OR2H1: variants seen among roughly 807,000 people sequenced by gnomAD.
The protein encoded by OR2H1 is olfactory receptor 2H1.
For synonymous variants in OR2H1, 155 were observed against 155.2 expected (o/e 1.00, Z 0.01); for missense variants, 380 against 367.3 (o/e 1.03, Z -0.28).
Position 29,462,736 on chromosome 6 carries a change from A to C in OR2H1, c.*16A>C, listed in dbSNP as rs184278792. On this transcript the variant is annotated 3_prime_UTR_variant, in exon 4 of 4. Transcript: ENST00000377133. ...AGCTGCTTAATATACTTTCGAAAGT[A>C]AGAAGAGTTTCTTCAAGATTTATGA... is the stretch of plus-strand genomic sequence containing the variant. The C allele has an allele frequency of 6.3e-6, 10 of 1,577,142 alleles. No homozygotes were observed. Among genetic ancestry groups the C allele is most frequent in the Non-Finnish European group, 8.7e-6 (10 of 1,154,440 alleles).
chr6:29,461,146 C>T (rs1056727696), intron 3 of OR2H1: 3 of 151,840 alleles, frequency 2.0e-5, no homozygotes, highest in Non-Finnish European at 2.9e-5. Context: ...AACAAAATAC[C>T]TCATTGATTT....
Position 29,462,156 on chromosome 6 carries a change from C to T in OR2H1, c.387C>T (p.His129=). ...ACGTGGCTGTCTGCCAGCCCCTCCA[C>T]TATGCCACCATCATCCACCCCCGCC... ...DRYVAVCQPL[H]YATIIHPRLC... is the part of the protein sequence containing the mutation. The change falls in exon 4 of 4, where the codon CAC becomes CAT. Residue 129 remains histidine (H), a synonymous_variant. Transcript: ENST00000377133. 1 of 1,613,714 alleles carries T rather than the reference C, an allele frequency of 6.2e-7. No homozygotes were observed. Among genetic ancestry groups the T allele is most frequent in the Non-Finnish European group, 8.5e-7 (1 of 1,180,024 alleles).
Position 29,463,721 on chromosome 6 carries a change from A to G in OR2H1, c.*1001A>G, listed in dbSNP as rs1328281542. ...AAGCTACACATAAATTGGGTGGTTT[A>G]TAAATAACAAACATTTCTTTCTTAC... On this transcript the variant is annotated 3_prime_UTR_variant, in exon 4 of 4. Transcript: ENST00000377133. 2 of 167,068 alleles carry G rather than the reference A, an allele frequency of 1.2e-5. No homozygotes were observed. The highest frequency in any genetic ancestry group is 4.8e-5 in the African/African-American group (2 of 41,454). The allele number at this position is 167,068 out of a possible 1,614,324, so 10.3% of individuals were successfully genotyped here.
At chr6:29,459,441 A>T (rs941883823) in intron 2 of OR2H1, among the ~76,000 whole-genome samples, 2 of 152,188 alleles carry the variant, frequency 1.3e-5, no homozygotes, top group Admixed American at 6.5e-5. Flanking sequence ...TATGATTTTT[A>T]AAAAATTAAG....
intron 2 of OR2H1, chr6:29,460,171 G>A (rs1787058790): frequency 6.6e-6 from 1 of 152,036 alleles, no homozygotes; most frequent in Admixed American, 6.6e-5. Flanking sequence ...AAAACTATAA[G>A]TATGGTCTAC....
At position 29,461,965 on chromosome 6, in the gene OR2H1, T is replaced by G; in HGVS notation, c.196T>G (p.Phe66Val). 1 of 1,613,160 alleles carries G rather than the reference T, an allele frequency of 6.2e-7. No individual in the cohort carries two copies. The highest frequency in any genetic ancestry group is 8.5e-7 in the Non-Finnish European group (1 of 1,180,022). Residue 66 changes from phenylalanine to valine, a missense_variant, in exon 4 of 4, where the codon TTC (phenylalanine) becomes GTC (valine). Transcript: ENST00000377133. Reference protein sequence around the residue: ...PMYFFLSDLSFLDLCFTTSCV... With the variant: ...PMYFFLSDLSVLDLCFTTSCV... ...GTACTTTTTCCTCTCTGACCTCTCC[T>G]TCTTGGACCTCTGCTTTACCACAAG...
intron 2 of OR2H1, among the ~76,000 whole-genome samples, chr6:29,459,418 T>C (rs1315532737): frequency 6.6e-6 from 1 of 152,238 alleles, no homozygotes; most frequent in Non-Finnish European, 1.5e-5. Context: ...GTGTTTTATA[T>C]ACTTTTTGTT....
In OR2H1 at chr6:29,462,422, C is replaced by G. The variant is rs773383134; in HGVS notation, c.653C>G (p.Ala218Gly). 2 of 1,612,996 alleles carry G rather than the reference C, an allele frequency of 1.2e-6. No homozygotes were observed. Among genetic ancestry groups the G allele is most frequent in the Non-Finnish European group, 1.7e-6 (2 of 1,180,044 alleles). The change falls in exon 4 of 4, where the codon GCC (alanine) becomes GGC (glycine). Residue 218 changes from alanine (A) to glycine (G), a missense_variant. Transcript: ENST00000377133. ...AGCCTCATCCTTGCCTCTTATGGAG[C>G]CACTGCCCAGGCAGTGCTGAGGATT... ...PLSLILASYGATAQAVLRINS... is the reference protein window; with the variant it reads ...PLSLILASYGGTAQAVLRINS...
At chr6:29,461,223 T>C (rs1787208783) in intron 3 of OR2H1, 1 of 153,428 alleles carries the variant, frequency 6.5e-6, no homozygotes, top group Non-Finnish European at 1.4e-5. Context: ...CTGCCTCTGA[T>C]TGACACCTCT....
Position 29,458,917 on chromosome 6 carries a change from G to A in OR2H1, c.-327+348G>A, listed in dbSNP as rs140595211. 2.0e-5 allele frequency among the ~76,000 whole-genome samples: 3 copies of A among 152,224 alleles called. No individual in the cohort carries two copies. The East Asian group carries it at 5.8e-4, about 29-fold the overall frequency. On this transcript the variant is annotated intron_variant, in intron 2 of 3. Coordinates refer to ENST00000377133, the MANE Select transcript of OR2H1 (RefSeq NM_030883.5). ...GTTAGTACATGACTGGCTCTTTGAG[G>A]ACCAAAAAAGAATAAATTAATGTGC...
In OR2H1 at chr6:29,461,902, C is replaced by A. The variant is rs748732543; in HGVS notation, c.133C>A (p.Leu45Met). Residue 45 changes from leucine (L) to methionine (M), a missense_variant, in exon 4 of 4, where the codon CTG becomes ATG. Coordinates refer to ENST00000377133, the MANE Select transcript of OR2H1 (RefSeq NM_030883.5). ...CCTGGTGGGCAACACACTCATCATC[C>A]TGCTGTCTGTACTGTACCCCAGGCT... ...LTLVGNTLII[L>M]LSVLYPRLHS... The A allele has an allele frequency of 1.2e-6, 2 of 1,612,928 alleles. No individual in the cohort carries two copies. Among genetic ancestry groups the A allele is most frequent in the African/African-American group, 1.3e-5 (1 of 74,884 alleles).
chr6:29,459,895 C>G (rs1180329301), intron 2 of OR2H1: 1 of 152,270 alleles, frequency 6.6e-6, no homozygotes, highest in Non-Finnish European at 1.5e-5. Context: ...CACACCTCAT[C>G]TTAATTTATT....
In OR2H1 at chr6:29,457,726, G is replaced by C. The variant is rs147577379; in HGVS notation, c.-443+519G>C. On this transcript the variant is annotated intron_variant, in intron 1 of 3. Coordinates refer to ENST00000377133, the MANE Select transcript of OR2H1 (RefSeq NM_030883.5). ...GAGAAAGGAAATAAACCAAAGTCAG[G>C]GGGGATTGAATGAGCACATTCGAGG... Among the ~76,000 whole-genome samples, 661 of 152,212 alleles carry C rather than the reference G, an allele frequency of 4.3e-3. 18 individuals carry two copies. In the South Asian group the frequency reaches 0.061, roughly 14 times the overall value.
chr6:29,459,506 G>A (rs1444215348), intron 2 of OR2H1, among the ~76,000 whole-genome samples: 1 of 152,138 alleles, frequency 6.6e-6, no homozygotes, highest in Non-Finnish European at 1.5e-5. Context: ...GAATATAGAA[G>A]GAGACAAAAA....
In OR2H1 at chr6:29,461,945, T is replaced by C; in HGVS notation, c.176T>C (p.Phe59Ser). The change falls in exon 4 of 4, where the codon TTT (phenylalanine) becomes TCT (serine). Residue 59 changes from phenylalanine to serine, a missense_variant. By Grantham distance (155) the Phe-to-Ser change is radical. Transcript: ENST00000377133. ...CCCAGGCTCCACTCTCCAATGTACTTTTTCCTCTCTGACCTCTCCTTCTTG... is the reference window on the plus strand; with the variant it reads ...CCCAGGCTCCACTCTCCAATGTACTCTTTCCTCTCTGACCTCTCCTTCTTG... ...LYPRLHSPMYFFLSDLSFLDL... is the reference protein window; with the variant it reads ...LYPRLHSPMYSFLSDLSFLDL... 1 of 1,612,982 alleles carries C rather than the reference T, an allele frequency of 6.2e-7. No individual in the cohort carries two copies. Among genetic ancestry groups the C allele is most frequent in the Non-Finnish European group, 8.5e-7 (1 of 1,179,988 alleles).
chr6:29,461,063 G>A (rs1787190437), intron 3 of OR2H1: 1 of 152,126 alleles, frequency 6.6e-6, no homozygotes, highest in African/African-American at 2.4e-5. Flanking sequence ...TTAAGTTGAG[G>A]TTAGGGATTT....
In OR2H1 at chr6:29,462,194, T is replaced by C. The variant is rs147544938; in HGVS notation, c.425T>C (p.Leu142Pro). The C allele has an allele frequency of 3.1e-6, 5 of 1,613,604 alleles. No individual in the cohort carries two copies. The highest frequency in any genetic ancestry group is 3.4e-6 in the Non-Finnish European group (4 of 1,180,018). Reference protein sequence around the residue: ...TIIHPRLCWQLASVAWVMSLV... With the variant: ...TIIHPRLCWQPASVAWVMSLV... ...ATCCACCCCCGCCTGTGCTGGCAGC[T>C]GGCATCTGTGGCCTGGGTTATGAGT... The change falls in exon 4 of 4, where the codon CTG (leucine) becomes CCG (proline). Residue 142 changes from leucine (L) to proline (P), a missense_variant. Physicochemically the swap from Leu to Pro is moderately conservative, Grantham distance 98 (BLOSUM62 -3). Transcript: ENST00000377133.
rs1787597562 is a variant in OR2H1, at chr6:29,463,688, A to ACTAT, written c.*970_*973dup. 6.0e-6 allele frequency: 1 copy of ACTAT among 167,104 alleles called. No individual in the cohort carries two copies. The highest frequency in any genetic ancestry group is 2.4e-5 in the African/African-American group (1 of 41,454). The allele number at this position is 167,104 out of a possible 1,614,324, so 10.4% of individuals were successfully genotyped here. ...CGTGTTAGCTTAGTTCATTCAAGCT[A>ACTAT]CTATCACAAGCTACACATAAATTGG... is the stretch of plus-strand genomic sequence containing the variant. On this transcript the variant is annotated 3_prime_UTR_variant, in exon 4 of 4. Transcript: ENST00000377133.
At chr6:29,459,492 G>A (rs1368483403) in intron 2 of OR2H1, among the ~76,000 whole-genome samples, 1 of 152,126 alleles carries the variant, frequency 6.6e-6, no homozygotes, top group East Asian at 1.9e-4. Context: ...AATGATGGAG[G>A]AAGGAATATA....
Sources: allele counts gnomAD v4.1 joint callset (sites outside exome capture counted in the v4.1 genomes callset), GRCh38; gene constraint gnomAD v4.1.1; transcripts MANE v1.5; gene names NCBI Gene and HGNC (gene_info 2026-07-23, HGNC 2026-07-21).